Variants in SETBP1 observed in about 807,000 individuals in gnomAD.
SETBP1 encodes the protein SET binding protein 1.
A neutral mutation model predicts 101.0 loss-of-function variants in SETBP1; 9 were observed. The observed-to-expected ratio is 0.09, with a 90% CI of 0.05 to 0.16. The LOEUF is 0.16. SETBP1 is among the 10% of genes least tolerant of loss of function. The probability of loss-of-function intolerance (pLI) is 1.00; values close to 1 mark genes in which losing one functional copy is unlikely to be tolerated. For missense variants in SETBP1, 1,858 were observed against 2,033.8 expected, an observed-to-expected ratio of 0.91 and a Z score of 1.66; for synonymous variants, 818 against 788.5, an observed-to-expected ratio of 1.04 and a Z score of -0.63.
intron 1 of SETBP1, among the ~76,000 whole-genome samples, chr18:44,698,058 G>T (rs1469613547): frequency 1.3e-5 from 2 of 152,180 alleles, no homozygotes; most frequent in African/African-American, 2.4e-5. Context: ...TGGCTAATTT[G>T]CTTTGGTCTT....
intron 2 of SETBP1, among the ~76,000 whole-genome samples, chr18:44,813,336 G>A (rs2071904415): frequency 6.6e-6 from 1 of 152,142 alleles, no homozygotes; most frequent in East Asian, 1.9e-4. Context: ...AAGTAGAAGG[G>A]CTTTTTTTTT....
chr18:44,832,121 G>A (rs2072384777), intron 2 of SETBP1, among the ~76,000 whole-genome samples: 1 of 152,174 alleles, frequency 6.6e-6, no homozygotes, highest in Admixed American at 6.5e-5. Flanking sequence ...ACAGTGGACA[G>A]GAATGAGCCC....
intron 4 of SETBP1, among the ~76,000 whole-genome samples, chr18:45,036,485 C>T (rs1445655610): frequency 6.6e-6 from 1 of 152,138 alleles, no homozygotes; most frequent in Non-Finnish European, 1.5e-5. Flanking sequence ...TGTACCTAGC[C>T]CATGATGAGC....
chr18:44,737,933 T>A (rs1480437671), intron 2 of SETBP1, among the ~76,000 whole-genome samples: 1 of 152,230 alleles, frequency 6.6e-6, no homozygotes, highest in Non-Finnish European at 1.5e-5. Flanking sequence ...ATTAATGACC[T>A]GCCATGTCAC....
At position 44,952,500 on chromosome 18, in the gene SETBP1, C is replaced by T; in HGVS notation, c.3160C>T (p.Pro1054Ser). The T allele has an allele frequency of 6.2e-7, 1 of 1,614,052 alleles. No individual in the cohort carries two copies. The highest frequency in any genetic ancestry group is 8.5e-7 in the Non-Finnish European group (1 of 1,180,036). ...AAGTTACTATGCACCCTATGGAATG[C>T]CTTACACATCAATGCCTATGATGAA... ...SGSYYAPYGM[P>S]YTSMPMMNLG... The change falls in exon 4 of 6, where the codon CCT becomes TCT. Residue 1054 changes from proline (P) to serine (S), a missense_variant. Transcript: ENST00000649279.
chr18:44,722,259 G>A (rs987619663), intron 2 of SETBP1, among the ~76,000 whole-genome samples: 1 of 152,158 alleles, frequency 6.6e-6, no homozygotes, highest in Admixed American at 6.5e-5. Context: ...CTGGGAACCT[G>A]TTTATATTAT....
In SETBP1 at chr18:44,885,968, C is replaced by G. The variant is rs149429074; in HGVS notation, c.540+16685C>G. Among the ~76,000 whole-genome samples the G allele has an allele frequency of 8.9e-4, 135 of 151,524 alleles. 1 individual carries two copies. Among genetic ancestry groups the G allele is most frequent in the African/African-American group, 3.2e-3 (131 of 41,322 alleles). ...AATGCAGTTTATTTTCCTAAGTTCT[C>G]AATGAACTGCAGTGGAGTGCCACAA... On this transcript the variant is annotated intron_variant, in intron 3 of 5. Coordinates refer to ENST00000649279, the MANE Select transcript of SETBP1 (RefSeq NM_015559.3).
chr18:45,054,337 G>A (rs1332035085), intron 5 of SETBP1, among the ~76,000 whole-genome samples: 8 of 152,008 alleles, frequency 5.3e-5, no homozygotes, highest in East Asian at 1.9e-4. Context: ...GCAGGCGTGC[G>A]CCACCACACC....
chr18:44,934,549 A>G lies in SETBP1; in HGVS notation c.541-15332A>G, dbSNP rs577518665. Among the ~76,000 whole-genome samples, 3 of 152,346 alleles carry G rather than the reference A, an allele frequency of 2.0e-5. No homozygotes were observed. The South Asian group carries it at 6.2e-4, about 32-fold the overall frequency. On this transcript the variant is annotated intron_variant, in intron 3 of 5. Coordinates refer to ENST00000649279, the MANE Select transcript of SETBP1 (RefSeq NM_015559.3). ...GATTCGAACTTGTTTTTCTGATTCCAGAGTTTCAATGCACTCCCAAGATTT... is the reference window on the plus strand; with the variant it reads ...GATTCGAACTTGTTTTTCTGATTCCGGAGTTTCAATGCACTCCCAAGATTT...
intron 5 of SETBP1, among the ~76,000 whole-genome samples, chr18:45,059,149 A>G (rs555630516): frequency 2.0e-5 from 3 of 152,330 alleles, no homozygotes; most frequent in Admixed American, 1.3e-4. Flanking sequence ...GTACCCATCA[A>G]TATCAACTTC....
In SETBP1 at chr18:45,036,835, G is replaced by A. The variant is rs934111659; in HGVS notation, c.4001-1650G>A. Among the ~76,000 whole-genome samples, 63 of 152,308 alleles carry A rather than the reference G, an allele frequency of 4.1e-4. 1 individual carries two copies. Among genetic ancestry groups the A allele is most frequent in the African/African-American group, 1.5e-3 (61 of 41,554 alleles). On this transcript the variant is annotated intron_variant, in intron 4 of 5. Transcript: ENST00000649279. ...TGAAACATGCTGTCAGCAGACTGGGGTCATGATCAGGTATTAGAGTTTGGC... is the reference window on the plus strand; with the variant it reads ...TGAAACATGCTGTCAGCAGACTGGGATCATGATCAGGTATTAGAGTTTGGC...
intron 3 of SETBP1, among the ~76,000 whole-genome samples, chr18:44,890,475 C>T (rs1160515267): frequency 6.6e-6 from 1 of 152,100 alleles, no homozygotes; most frequent in Admixed American, 6.6e-5. Context: ...AAGGCTCTTC[C>T]ATGGGAATCT....
chr18:44,940,287 A>T (rs2071057526), intron 3 of SETBP1, among the ~76,000 whole-genome samples: 1 of 152,150 alleles, frequency 6.6e-6, no homozygotes, highest in African/African-American at 2.4e-5. Flanking sequence ...TATAAGCAGC[A>T]TATAGTTCAG....
intron 2 of SETBP1, among the ~76,000 whole-genome samples, chr18:44,723,173 C>G (rs1275954372): frequency 6.6e-6 from 1 of 152,176 alleles, no homozygotes; most frequent in Admixed American, 6.5e-5. Context: ...TTAATTTCTC[C>G]TTTGTGAAGT....
chr18:44,709,642 T>C (rs1324040729), intron 2 of SETBP1, among the ~76,000 whole-genome samples: 1 of 152,060 alleles, frequency 6.6e-6, no homozygotes, highest in Admixed American at 6.6e-5. Flanking sequence ...CTGCGGACCA[T>C]CCATAGGAGC....
intron 3 of SETBP1, among the ~76,000 whole-genome samples, chr18:44,935,164 A>G (rs1397563308): frequency 6.6e-6 from 1 of 152,210 alleles, no homozygotes; most frequent in East Asian, 1.9e-4. Context: ...GACTTACACT[A>G]AATGAGTGAG....
chr18:44,734,297 G>T (rs561918248), intron 2 of SETBP1, among the ~76,000 whole-genome samples: 1 of 152,046 alleles, frequency 6.6e-6, no homozygotes, highest in Non-Finnish European at 1.5e-5. Context: ...AATTAAATTC[G>T]TACTCTCTGC....
At chr18:44,725,105 G>A (rs1041592832) in intron 2 of SETBP1, among the ~76,000 whole-genome samples, 1 of 152,110 alleles carries the variant, frequency 6.6e-6, no homozygotes, top group Non-Finnish European at 1.5e-5. Context: ...TGCCCATAGA[G>A]TTACCATCAG....
intron 2 of SETBP1, among the ~76,000 whole-genome samples, chr18:44,862,008 C>T (rs1004659231): frequency 2.4e-4 from 37 of 152,158 alleles, no homozygotes; most frequent in African/African-American, 8.4e-4. Flanking sequence ...CATGTGGTCT[C>T]TAATTATCTC....
Sources: allele counts gnomAD v4.1 joint callset (sites outside exome capture counted in the v4.1 genomes callset), GRCh38; gene constraint gnomAD v4.1.1; transcripts MANE v1.5; gene names NCBI Gene and HGNC (gene_info 2026-07-23, HGNC 2026-07-21).